The following BTRC variants were observed in gnomAD, a reference collection of about 807,000 sequenced individuals.
BTRC encodes the protein F-box/WD repeat-containing protein 1A.
BTRC carries 42 observed loss-of-function variants against 85.5 expected under a neutral mutation model. The observed-to-expected ratio is 0.49, with a 90% CI of 0.38 to 0.64. The LOEUF (loss-of-function observed/expected upper bound fraction) is 0.64, where lower values mean the gene tolerates loss of function less well. Ranked by LOEUF, BTRC falls within the 30% of genes least tolerant of loss-of-function variation. BTRC has a pLI of 0.00. For synonymous variants in BTRC, 255 were observed against 263.3 expected, an observed-to-expected ratio of 0.97 and a Z score of 0.30; for missense variants, 594 against 743.5, an observed-to-expected ratio of 0.80 and a Z score of 2.34.
At chr10:101,387,561 C>G in intron 1 of BTRC, among the ~76,000 whole-genome samples, 1 of 28,648 alleles carries the variant, frequency 3.5e-5, no homozygotes, top group Non-Finnish European at 5.6e-5. Context: ...TAGCCTCACT[C>G]TGTTGCCCAG....
intron 2 of BTRC, among the ~76,000 whole-genome samples, chr10:101,431,913 C>A (rs948908855): frequency 6.6e-6 from 1 of 152,094 alleles, no homozygotes; most frequent in Admixed American, 6.6e-5. Flanking sequence ...GTAAAGCATG[C>A]AGGTTCTAAA....
At chr10:101,505,941 G>A (rs1589565179) in intron 4 of BTRC, among the ~76,000 whole-genome samples, 2 of 150,204 alleles carry the variant, frequency 1.3e-5, no homozygotes, top group Admixed American at 6.6e-5. Flanking sequence ...TTGAGACGGA[G>A]TCTCGCTGTG....
chr10:101,357,256 CA>C (rs1217935155), intron 1 of BTRC, among the ~76,000 whole-genome samples: 1 of 151,642 alleles, frequency 6.6e-6, no homozygotes, highest in African/African-American at 2.4e-5. Context: ...TCCTGGCCAA[CA>C]TGGTGAAACC....
intron 1 of BTRC, among the ~76,000 whole-genome samples, chr10:101,377,289 A>T (rs190213265): frequency 3.3e-5 from 5 of 152,310 alleles, no homozygotes; most frequent in Non-Finnish European, 4.4e-5. Context: ...CAGACTGTTT[A>T]TTCACTCCTG....
chr10:101,476,569 T>C (rs1945692984), intron 3 of BTRC, among the ~76,000 whole-genome samples: 3 of 152,024 alleles, frequency 2.0e-5, no homozygotes, highest in Admixed American at 2.0e-4. Flanking sequence ...ACTCCAGGGC[T>C]CAGTCAGTCC....
intron 1 of BTRC, among the ~76,000 whole-genome samples, chr10:101,415,115 C>G (rs559311024): frequency 6.6e-6 from 1 of 152,214 alleles, no homozygotes; most frequent in Admixed American, 6.5e-5. Flanking sequence ...TCACCCAGAG[C>G]AACTTGCAAT....
chr10:101,499,479 C>T (rs1052789533), intron 4 of BTRC, among the ~76,000 whole-genome samples: 1 of 151,910 alleles, frequency 6.6e-6, no homozygotes, highest in Non-Finnish European at 1.5e-5. Flanking sequence ...CTGCCCACCT[C>T]GGCCTCCCAA....
intron 5 of BTRC, among the ~76,000 whole-genome samples, chr10:101,524,431 C>G (rs2062161658): frequency 6.6e-6 from 1 of 152,194 alleles, no homozygotes; most frequent in African/African-American, 2.4e-5. Flanking sequence ...TTTGTATCCA[C>G]TGACCACTCT....
At chr10:101,424,334 T>C (rs1398725154) in intron 1 of BTRC, among the ~76,000 whole-genome samples, 1 of 152,192 alleles carries the variant, frequency 6.6e-6, no homozygotes, top group East Asian at 1.9e-4. Flanking sequence ...AGTTTTGTTT[T>C]TGGAGTGAAC....
intron 4 of BTRC, among the ~76,000 whole-genome samples, chr10:101,509,399 C>T (rs1233114302): frequency 8.1e-5 from 12 of 147,372 alleles, no homozygotes; most frequent in Non-Finnish European, 1.5e-4. Flanking sequence ...GGACTACAGG[C>T]GCCCGCCACT....
At chr10:101,492,365 G>T (rs1946155109) in intron 4 of BTRC, among the ~76,000 whole-genome samples, 1 of 152,286 alleles carries the variant, frequency 6.6e-6, no homozygotes, top group Middle Eastern at 3.4e-3. Flanking sequence ...CTCTGTAATG[G>T]AATATCATGG....
At chr10:101,484,536 C>G (rs1411979010) in intron 4 of BTRC, among the ~76,000 whole-genome samples, 1 of 152,186 alleles carries the variant, frequency 6.6e-6, no homozygotes, top group African/African-American at 2.4e-5. Context: ...TCCTCTGGGT[C>G]TGTGCTATTT....
chr10:101,532,977 G>T lies in BTRC; in HGVS notation c.1004G>T (p.Cys335Phe). 1.2e-6 allele frequency: 2 copies of T among 1,612,828 alleles called. No homozygotes were observed. Among genetic ancestry groups the T allele is most frequent in the Non-Finnish European group, 1.7e-6 (2 of 1,179,226 alleles). ...ATCTGGGATAAAAACACATTGGAAT[G>T]CAAGCGAATTCTCACAGGCCATACA... ...IKIWDKNTLE[C>F]KRILTGHTGS... The change falls in exon 9 of 15, where the codon TGC (cysteine) becomes TTC (phenylalanine). Residue 335 changes from cysteine to phenylalanine, a missense_variant. Cys to Phe is a radical substitution (Grantham distance 205, BLOSUM62 -2). Coordinates refer to ENST00000370187, the MANE Select transcript of BTRC (RefSeq NM_033637.4).
chr10:101,531,718 CAAAAAAA>C (rs11339443), intron 7 of BTRC, among the ~76,000 whole-genome samples: 1 of 150,282 alleles, frequency 6.7e-6, no homozygotes, highest in Non-Finnish European at 1.5e-5. Context: ...GAGACTCCAT[CAAAAAAA>C]AAGAAAAGGA....
intron 1 of BTRC, among the ~76,000 whole-genome samples, chr10:101,366,434 A>G (rs538157669): frequency 5.3e-5 from 8 of 152,254 alleles, no homozygotes; most frequent in East Asian, 1.9e-4. Context: ...GTTAAGTGCT[A>G]AAATAGTGGC....
At chr10:101,467,608 T>G (rs1177904407) in intron 3 of BTRC, among the ~76,000 whole-genome samples, 2 of 152,100 alleles carry the variant, frequency 1.3e-5, no homozygotes, top group African/African-American at 4.8e-5. Context: ...TATTTCATTA[T>G]ATATGTGTGG....
chr10:101,546,374 A>C (rs914762637), intron 13 of BTRC, among the ~76,000 whole-genome samples: 2 of 152,210 alleles, frequency 1.3e-5, no homozygotes, highest in Non-Finnish European at 2.9e-5. Flanking sequence ...ACGTAGGTCA[A>C]GAAGAAATTG....
At chr10:101,450,651 A>G (rs893847706) in intron 2 of BTRC, among the ~76,000 whole-genome samples, 1 of 152,128 alleles carries the variant, frequency 6.6e-6, no homozygotes, top group Admixed American at 6.6e-5. Flanking sequence ...CGAGTTGTTC[A>G]GTTTTCTATT....
At chr10:101,487,228 T>C (rs948992480) in intron 4 of BTRC, among the ~76,000 whole-genome samples, 2 of 152,226 alleles carry the variant, frequency 1.3e-5, no homozygotes, top group African/African-American at 4.8e-5. Context: ...TTTGAGTTAA[T>C]AGATTTTCAT....
Sources: allele counts gnomAD v4.1 joint callset (sites outside exome capture counted in the v4.1 genomes callset), GRCh38; gene constraint gnomAD v4.1.1; transcripts MANE v1.5; gene names NCBI Gene and HGNC (gene_info 2026-07-23, HGNC 2026-07-21).